SH3GL2: variants seen among roughly 807,000 people sequenced by gnomAD.
The protein encoded by SH3GL2 is SH3 domain containing GRB2 like 2, endophilin A1.
A neutral mutation model predicts 46.0 loss-of-function variants in SH3GL2; 24 were observed. That is an observed-to-expected ratio of 0.52 (90% CI 0.38 to 0.73). The LOEUF (loss-of-function observed/expected upper bound fraction) is 0.73, where lower values mean the gene tolerates loss of function less well. Among genes scored for constraint, SH3GL2 ranks in the 30% least tolerant of loss-of-function variants. SH3GL2 has a pLI of 0.00. For synonymous variants in SH3GL2, 196 were observed against 147.1 expected, an observed-to-expected ratio of 1.33 and a Z score of -2.40; for missense variants, 413 against 424.2, an observed-to-expected ratio of 0.97 and a Z score of 0.23.
At chr9:17,671,301 A>G (rs1820468204) in intron 1 of SH3GL2, among the ~76,000 whole-genome samples, 1 of 136,620 alleles carries the variant, frequency 7.3e-6, no homozygotes, top group African/African-American at 2.5e-5. Context: ...CACAATGAGG[A>G]ATTTTTTTTT....
chr9:17,581,507 G>A (rs1401785619), intron 1 of SH3GL2, among the ~76,000 whole-genome samples: 1 of 152,148 alleles, frequency 6.6e-6, no homozygotes, highest in Non-Finnish European at 1.5e-5. Flanking sequence ...ATTTAGGAGA[G>A]TATGTAAAGC....
intron 1 of SH3GL2, among the ~76,000 whole-genome samples, chr9:17,642,393 C>G (rs929747215): frequency 6.6e-6 from 1 of 152,088 alleles, no homozygotes; most frequent in Non-Finnish European, 1.5e-5. Flanking sequence ...CTTGTGTTGC[C>G]ATTGCTTTTG....
chr9:17,656,585 A>T (rs771462892), intron 1 of SH3GL2, among the ~76,000 whole-genome samples: 2 of 152,058 alleles, frequency 1.3e-5, no homozygotes, highest in Non-Finnish European at 2.9e-5. Flanking sequence ...TCTTAATTCT[A>T]CTTATTCTCT....
chr9:17,676,113 G>A (rs1053194712), intron 1 of SH3GL2, among the ~76,000 whole-genome samples: 1 of 152,114 alleles, frequency 6.6e-6, no homozygotes, highest in Non-Finnish European at 1.5e-5. Context: ...AATACATTCT[G>A]GTTTAGGGGC....
At chr9:17,669,252 G>A (rs978715140) in intron 1 of SH3GL2, among the ~76,000 whole-genome samples, 2 of 152,116 alleles carry the variant, frequency 1.3e-5, no homozygotes, top group Non-Finnish European at 2.9e-5. Flanking sequence ...ATTGATAACA[G>A]TCTACAGGTT....
At chr9:17,679,800 C>G (rs952904555) in intron 1 of SH3GL2, among the ~76,000 whole-genome samples, 1 of 152,058 alleles carries the variant, frequency 6.6e-6, no homozygotes, top group African/African-American at 2.4e-5. Flanking sequence ...TGAGATATGT[C>G]CCATCAATAC....
At chr9:17,673,018 C>T (rs1187237176) in intron 1 of SH3GL2, among the ~76,000 whole-genome samples, 1 of 152,146 alleles carries the variant, frequency 6.6e-6, no homozygotes, top group Non-Finnish European at 1.5e-5. Flanking sequence ...TATCACTCGG[C>T]TCTTTGATTT....
chr9:17,769,759 C>T (rs1289253753), intron 3 of SH3GL2, among the ~76,000 whole-genome samples: 4 of 152,124 alleles, frequency 2.6e-5, no homozygotes, highest in East Asian at 3.9e-4. Context: ...ATTGTTTTCA[C>T]ATCACTCCCA....
rs376076168 is a variant in SH3GL2 at position 17,690,344 on chromosome 9, A to G, written c.46-56722A>G. Among the ~76,000 whole-genome samples the G allele has an allele frequency of 2.0e-4, 30 of 152,168 alleles. 1 individual carries two copies. In the South Asian group the frequency reaches 6.0e-3, roughly 30 times the overall value. On this transcript the variant is annotated intron_variant, in intron 1 of 8. Transcript: ENST00000380607. ...GTTGAATATGTCTGACTTTGTTTTT[A>G]TGGACTCCTCCAAGCTTTATCTCCC...
intron 1 of SH3GL2, among the ~76,000 whole-genome samples, chr9:17,646,348 T>C (rs138662803): frequency 0.012 from 1,844 of 152,150 alleles, 45 homozygotes; most frequent in African/African-American, 0.043. Flanking sequence ...GAGTTTGTTA[T>C]AACCCACCTT....
At chr9:17,747,269 C>T (rs574610847) in intron 2 of SH3GL2, 135 bp downstream of exon 2, 2 of 570,740 alleles carry the variant, frequency 3.5e-6, no homozygotes, top group Non-Finnish European at 6.3e-6. Context: ...TTTAAAACTA[C>T]TTTTCATGTA....
chr9:17,760,928 G>T (rs191511368), intron 2 of SH3GL2, among the ~76,000 whole-genome samples: 2 of 152,276 alleles, frequency 1.3e-5, no homozygotes, highest in Admixed American at 6.5e-5. Context: ...CTAGCATCAA[G>T]ATTTTTGTTT....
At chr9:17,584,048 A>G (rs1818324482) in intron 1 of SH3GL2, among the ~76,000 whole-genome samples, 3 of 152,192 alleles carry the variant, frequency 2.0e-5, no homozygotes, top group African/African-American at 7.2e-5. Flanking sequence ...ACCCTTTCAC[A>G]TTCTTAGCCA....
rs138132104 is a variant in SH3GL2 at position 17,632,188 on chromosome 9, A to T, written c.45+52901A>T. On this transcript the variant is annotated intron_variant, in intron 1 of 8. Coordinates refer to ENST00000380607, the MANE Select transcript of SH3GL2 (RefSeq NM_003026.5). ...AAAATTGTCCTTGAATTTAAAAATT[A>T]GTTAAATCTTAGTACCAAAAAAATA... is the stretch of plus-strand genomic sequence containing the variant. 4.6e-3 allele frequency among the ~76,000 whole-genome samples: 700 copies of T among 152,322 alleles called. 2 individuals are homozygous for T. Among genetic ancestry groups the T allele is most frequent in the Non-Finnish European group, 6.5e-3 (439 of 68,018 alleles).
chr9:17,594,776 T>C (rs1330073758), intron 1 of SH3GL2, among the ~76,000 whole-genome samples: 1 of 152,228 alleles, frequency 6.6e-6, no homozygotes, highest in East Asian at 1.9e-4. Context: ...TGCCATTCTA[T>C]ACTTCATTCT....
intron 2 of SH3GL2, among the ~76,000 whole-genome samples, chr9:17,753,608 C>T (rs762188662): frequency 6.6e-6 from 1 of 151,842 alleles, no homozygotes; most frequent in Non-Finnish European, 1.5e-5. Context: ...CAAAAATTTT[C>T]TCTCATTCTA....
intron 1 of SH3GL2, among the ~76,000 whole-genome samples, chr9:17,719,165 A>G (rs1821832069): frequency 1.3e-5 from 2 of 152,142 alleles, no homozygotes; most frequent in African/African-American, 4.8e-5. Context: ...TGTGAAAACC[A>G]ATTGAATGTC....
intron 2 of SH3GL2, among the ~76,000 whole-genome samples, chr9:17,757,790 C>T (rs1000174837): frequency 1.3e-5 from 2 of 152,160 alleles, no homozygotes; most frequent in African/African-American, 4.8e-5. Flanking sequence ...AAGTGGAAAT[C>T]TTCTTTATGC....
At chr9:17,639,583 A>G (rs758583313) in intron 1 of SH3GL2, among the ~76,000 whole-genome samples, 12 of 152,210 alleles carry the variant, frequency 7.9e-5, no homozygotes, top group Admixed American at 2.6e-4. Context: ...TTGGGAATGC[A>G]AGTTGGAAAA....
Sources: allele counts gnomAD v4.1 joint callset (sites outside exome capture counted in the v4.1 genomes callset), GRCh38; gene constraint gnomAD v4.1.1; transcripts MANE v1.5; gene names NCBI Gene and HGNC (gene_info 2026-07-23, HGNC 2026-07-21).